AGPAT4: variants seen among roughly 807,000 people sequenced by gnomAD.
AGPAT4 encodes the protein 1-acyl-sn-glycerol-3-phosphate acyltransferase delta.
In AGPAT4, 15 loss-of-function variants were observed where a neutral mutation model predicts 48.0. The ratio of observed to expected loss-of-function variants is 0.31; its 90% confidence interval spans 0.21 to 0.48. AGPAT4 has a LOEUF of 0.48. Among genes scored for constraint, AGPAT4 ranks in the 20% least tolerant of loss-of-function variants. The pLI, the probability that AGPAT4 is intolerant of heterozygous loss-of-function variation, is 0.99. For synonymous variants in AGPAT4, 178 were observed against 198.7 expected (o/e 0.90, Z 0.88); for missense variants, 314 against 482.5 (o/e 0.65, Z 3.27).
In AGPAT4 at chr6:161,218,470, T is replaced by C. The variant is rs1459101808; in HGVS notation, c.178+13566A>G. Among the ~76,000 whole-genome samples, 1 of 152,206 alleles carries C rather than the reference T, an allele frequency of 6.6e-6. No individual in the cohort carries two copies. Among genetic ancestry groups the C allele is most frequent in the African/African-American group, 2.4e-5 (1 of 41,452 alleles). On this transcript the variant is annotated intron_variant, in intron 2 of 8. Transcript: ENST00000320285. This position sits in a 1 kb window ranked among gnomAD's most constrained non-coding sequence, Gnocchi z 4.7. Reference sequence around the variant, plus strand: ...CAAGAATACCTTTACTTTACGTTTGTCTAGCACCTTACAATTTATTTCCCT... The same window carrying C: ...CAAGAATACCTTTACTTTACGTTTGCCTAGCACCTTACAATTTATTTCCCT...
At chr6:161,209,785 G>C (rs1459488726) in intron 2 of AGPAT4, among the ~76,000 whole-genome samples, 1 of 152,144 alleles carries the variant, frequency 6.6e-6, no homozygotes, top group Non-Finnish European at 1.5e-5. Flanking sequence ...TTGAATAAAT[G>C]AATTAAGTCA....
chr6:161,195,811 C>T lies in AGPAT4; in HGVS notation c.179-29394G>A, dbSNP rs1341385521. ...GGCTCGTCACACAGGCATGGCTCTA[C>T]ACTGCTCTCTGGGGCAGGTGTCAGG... On this transcript the variant is annotated intron_variant, in intron 2 of 8. Coordinates refer to ENST00000320285, the MANE Select transcript of AGPAT4 (RefSeq NM_020133.3). This position sits in a 1 kb window ranked among gnomAD's most constrained non-coding sequence, Gnocchi z 5.0. Among the ~76,000 whole-genome samples the T allele has an allele frequency of 6.6e-6, 1 of 152,224 alleles. No individual in the cohort carries two copies. Among genetic ancestry groups the T allele is most frequent in the Non-Finnish European group, 1.5e-5 (1 of 68,046 alleles).
rs1408771076 is a variant in AGPAT4 at position 161,146,624 on chromosome 6, A to G, written c.768-25T>C. 4.3e-5 allele frequency: 69 copies of G among 1,612,216 alleles called. No individual in the cohort carries two copies. Among genetic ancestry groups the G allele is most frequent in the Non-Finnish European group, 5.5e-5 (65 of 1,178,560 alleles). ...CCTGCAAAGGCAGAGAGCAGCTAGC[A>G]GAGAGGAGGTGATGCCCCCCTACAA... On this transcript the variant is annotated intron_variant, in intron 6 of 8. Coordinates refer to ENST00000320285, the MANE Select transcript of AGPAT4 (RefSeq NM_020133.3). This position sits in a 1 kb window ranked among gnomAD's most constrained non-coding sequence, Gnocchi z 7.1.
In AGPAT4 at chr6:161,221,776, C is replaced by T. The variant is rs1002740217; in HGVS notation, c.178+10260G>A. ...CCCAGCGGCTGGGAGCCAGGTGTTC[C>T]TTGGCTTGCAGGGGATATTGTCCTC... is the stretch of plus-strand genomic sequence containing the variant. On this transcript the variant is annotated intron_variant, in intron 2 of 8. Coordinates refer to ENST00000320285, the MANE Select transcript of AGPAT4 (RefSeq NM_020133.3). This position sits in a 1 kb window ranked among gnomAD's most constrained non-coding sequence, Gnocchi z 4.5. Among the ~76,000 whole-genome samples, 2 of 152,130 alleles carry T rather than the reference C, an allele frequency of 1.3e-5. No individual in the cohort carries two copies. Among genetic ancestry groups the T allele is most frequent in the Non-Finnish European group, 2.9e-5 (2 of 68,014 alleles).
chr6:161,133,253 C>G lies in AGPAT4; in HGVS notation c.*3287G>C, dbSNP rs1310100520. ...TTTTGTGTCTTTCACATCACTGTTACAAGTTGTGGCTGGACAATTAATGAC... is the reference window on the plus strand; with the variant it reads ...TTTTGTGTCTTTCACATCACTGTTAGAAGTTGTGGCTGGACAATTAATGAC... On this transcript the variant is annotated 3_prime_UTR_variant, in exon 9 of 9. Transcript: ENST00000320285. 6.6e-6 allele frequency: 1 copy of G among 152,226 alleles called. No individual in the cohort carries two copies. Among genetic ancestry groups the G allele is most frequent in the Admixed American group, 6.5e-5 (1 of 15,286 alleles). The allele number at this position is 152,226 out of a possible 1,614,324, so 9.4% of individuals were successfully genotyped here. A position where few individuals can be genotyped will look rare whatever the true frequency, so the allele number is the denominator to read the frequency against.
In AGPAT4 at chr6:161,184,639, T is replaced by C. The variant is rs999557949; in HGVS notation, c.179-18222A>G. On this transcript the variant is annotated intron_variant, in intron 2 of 8. Transcript: ENST00000320285. The surrounding 1 kb of genome is among the most constrained non-coding windows in gnomAD (Gnocchi z 4.8). ...CCTCCCAGGCTCTGTGGTCCACCTC[T>C]GTTCCTCTCCTACACCTAGTGGCAC... Among the ~76,000 whole-genome samples the C allele has an allele frequency of 6.6e-6, 1 of 152,126 alleles. No homozygotes were observed. Among genetic ancestry groups the C allele is most frequent in the Non-Finnish European group, 1.5e-5 (1 of 68,018 alleles).
chr6:161,262,023 T>C lies in AGPAT4; in HGVS notation c.-90+11915A>G, dbSNP rs1436515892. ...GAGGGCTGGTGGTGAGGATTATCCG[T>C]AGACCTTTGCCTGGTACATCATCTT... is the stretch of plus-strand genomic sequence containing the variant. On this transcript the variant is annotated intron_variant, in intron 1 of 8. Coordinates refer to ENST00000320285, the MANE Select transcript of AGPAT4 (RefSeq NM_020133.3). The surrounding 1 kb of genome is among the most constrained non-coding windows in gnomAD (Gnocchi z 4.9). Among the ~76,000 whole-genome samples, 1 of 152,168 alleles carries C rather than the reference T, an allele frequency of 6.6e-6. No individual in the cohort carries two copies. Among genetic ancestry groups the C allele is most frequent in the Non-Finnish European group, 1.5e-5 (1 of 68,032 alleles).
intron 1 of AGPAT4, among the ~76,000 whole-genome samples, chr6:161,241,263 CAAAAA>C (rs61634719): frequency 3.0e-3 from 267 of 90,468 alleles, no homozygotes; most frequent in African/African-American, 9.8e-3. Context: ...AACTCTGTCT[CAAAAA>C]AAAAAAAAAA....
chr6:161,186,303 G>C (rs1780767213), intron 2 of AGPAT4, among the ~76,000 whole-genome samples: 1 of 152,172 alleles, frequency 6.6e-6, no homozygotes. Flanking sequence ...TCAGACTCTG[G>C]AACGAGGCAC....
At position 161,219,985 on chromosome 6, in the gene AGPAT4, C is replaced by A. The variant is rs1396447600; in HGVS notation, c.178+12051G>T. 2.0e-5 allele frequency among the ~76,000 whole-genome samples: 3 copies of A among 150,664 alleles called. No individual in the cohort carries two copies. In the East Asian group the frequency reaches 5.9e-4, roughly 30 times the overall value. ...AGACAGACAGGCAGGCAGATAGATACATTTAAAAAATAAATGGATTATTAC... is the reference window on the plus strand; with the variant it reads ...AGACAGACAGGCAGGCAGATAGATAAATTTAAAAAATAAATGGATTATTAC... On this transcript the variant is annotated intron_variant, in intron 2 of 8. Coordinates refer to ENST00000320285, the MANE Select transcript of AGPAT4 (RefSeq NM_020133.3). This position sits in a 1 kb window ranked among gnomAD's most constrained non-coding sequence, Gnocchi z 4.9.
chr6:161,199,866 T>C (rs918051115), intron 2 of AGPAT4, among the ~76,000 whole-genome samples: 1 of 152,176 alleles, frequency 6.6e-6, no homozygotes, highest in Admixed American at 6.5e-5. Flanking sequence ...CTTTTCTTCA[T>C]AAATTACCCA....
rs1781827640 is a variant in AGPAT4, at chr6:161,221,267, C to T, written c.178+10769G>A. 6.6e-6 allele frequency among the ~76,000 whole-genome samples: 1 copy of T among 152,136 alleles called. No individual in the cohort carries two copies. Among genetic ancestry groups the T allele is most frequent in the South Asian group, 2.1e-4 (1 of 4,830 alleles). ...GGGGCAACTGGCCCCAGATGAGGTTCCTACACAGTTTATATACAGTTTGTC... is the reference window on the plus strand; with the variant it reads ...GGGGCAACTGGCCCCAGATGAGGTTTCTACACAGTTTATATACAGTTTGTC... On this transcript the variant is annotated intron_variant, in intron 2 of 8. Coordinates refer to ENST00000320285, the MANE Select transcript of AGPAT4 (RefSeq NM_020133.3). This position sits in a 1 kb window ranked among gnomAD's most constrained non-coding sequence, Gnocchi z 4.5.
In AGPAT4 at chr6:161,249,943, C is replaced by T. The variant is rs1782761820; in HGVS notation, c.-89-17641G>A. 6.6e-6 allele frequency among the ~76,000 whole-genome samples: 1 copy of T among 152,198 alleles called. No homozygotes were observed. The highest frequency in any genetic ancestry group is 6.5e-5 in the Admixed American group (1 of 15,278). On this transcript the variant is annotated intron_variant, in intron 1 of 8. Coordinates refer to ENST00000320285, the MANE Select transcript of AGPAT4 (RefSeq NM_020133.3). This position sits in a 1 kb window ranked among gnomAD's most constrained non-coding sequence, Gnocchi z 6.2. ...ACAATAGCAAAGACATGAAATCAAC[C>T]TCAATGCCCATCAATAGTAGACTGG...
At chr6:161,188,014 C>A (rs1176282271) in intron 2 of AGPAT4, among the ~76,000 whole-genome samples, 1 of 152,072 alleles carries the variant, frequency 6.6e-6, no homozygotes, top group Non-Finnish European at 1.5e-5. Context: ...TTTTCATTAT[C>A]CAAATTCATT....
rs1397297071 is a variant in AGPAT4, at chr6:161,141,813, G to GA, written c.844-2194dup. 6.6e-6 allele frequency among the ~76,000 whole-genome samples: 1 copy of GA among 152,110 alleles called. No individual in the cohort carries two copies. The highest frequency in any genetic ancestry group is 2.1e-4 in the South Asian group (1 of 4,818). On this transcript the variant is annotated intron_variant, in intron 7 of 8. Coordinates refer to ENST00000320285, the MANE Select transcript of AGPAT4 (RefSeq NM_020133.3). The surrounding 1 kb of genome is among the most constrained non-coding windows in gnomAD (Gnocchi z 6.7). Reference sequence around the variant, plus strand: ...GTTTTATTTGCACCTCTAGCAAGAAGAAAAAAGCACTCCCTTTTCTAGGAG... The same window carrying GA: ...GTTTTATTTGCACCTCTAGCAAGAAGAAAAAAAGCACTCCCTTTTCTAGGAG...
At chr6:161,194,677 C>T (rs769206487) in intron 2 of AGPAT4, among the ~76,000 whole-genome samples, 12 of 151,226 alleles carry the variant, frequency 7.9e-5, no homozygotes, top group Non-Finnish European at 1.3e-4. Context: ...TGTATAGATG[C>T]GTAGGTATGT....
chr6:161,136,499 A>C lies in AGPAT4; in HGVS notation c.*41T>G. 1.3e-6 allele frequency: 2 copies of C among 1,580,846 alleles called. No individual in the cohort carries two copies. Among genetic ancestry groups the C allele is most frequent in the Non-Finnish European group, 1.7e-6 (2 of 1,150,464 alleles). On this transcript the variant is annotated 3_prime_UTR_variant, in exon 9 of 9. Coordinates refer to ENST00000320285, the MANE Select transcript of AGPAT4 (RefSeq NM_020133.3). ...CTAAGGAGGATATGCAGAGGCCACCAGTTCCCCAAGGTTCCCTTCGGATGG... is the reference window on the plus strand; with the variant it reads ...CTAAGGAGGATATGCAGAGGCCACCCGTTCCCCAAGGTTCCCTTCGGATGG...
Position 161,248,740 on chromosome 6 carries a change from A to G in AGPAT4, c.-89-16438T>C, listed in dbSNP as rs187619012. Among the ~76,000 whole-genome samples the G allele has an allele frequency of 2.9e-3, 437 of 152,330 alleles. 2 individuals carry two copies. Among genetic ancestry groups the G allele is most frequent in the African/African-American group, 1.0e-2 (414 of 41,556 alleles). On this transcript the variant is annotated intron_variant, in intron 1 of 8. Coordinates refer to ENST00000320285, the MANE Select transcript of AGPAT4 (RefSeq NM_020133.3). Reference sequence around the variant, plus strand: ...GAATCAATATCGTTAAAGTGTGCATACTGCCCAAAGTAATTTACAGATTCA... The same window carrying G: ...GAATCAATATCGTTAAAGTGTGCATGCTGCCCAAAGTAATTTACAGATTCA...
rs1253643251 is a variant in AGPAT4, at chr6:161,231,130, C to T, written c.178+906G>A. ...AATCTTAGTTGATGTTTTTAATAGA[C>T]AAATTTTTAAAAAGCACATATTTTG... On this transcript the variant is annotated intron_variant, in intron 2 of 8. Coordinates refer to ENST00000320285, the MANE Select transcript of AGPAT4 (RefSeq NM_020133.3). The surrounding 1 kb of genome is among the most constrained non-coding windows in gnomAD (Gnocchi z 5.3). Among the ~76,000 whole-genome samples the T allele has an allele frequency of 1.3e-5, 2 of 152,046 alleles. No homozygotes were observed. The highest frequency in any genetic ancestry group is 6.6e-5 in the Admixed American group (1 of 15,258).
Sources: gnomAD v4.1 joint callset for allele counts (sites outside exome capture counted in the v4.1 genomes callset) on GRCh38, gnomAD v4.1.1 for gene constraint, Gnocchi (gnomAD v3.1) non-coding constraint, MANE v1.5 for transcripts, NCBI Gene and HGNC (gene_info 2026-07-23, HGNC 2026-07-21) for gene names.